The following HPSE2 variants were observed in gnomAD, a reference collection of about 807,000 sequenced individuals.
HPSE2 encodes the protein inactive heparanase-2.
In HPSE2, 38 loss-of-function variants were observed where a neutral mutation model predicts 60.5. The ratio of observed to expected loss-of-function variants is 0.63; its 90% CI spans 0.48 to 0.82. The LOEUF is 0.82. HPSE2 is among the 40% of genes least tolerant of loss of function. The probability of loss-of-function intolerance (pLI) is 0.00; values close to 1 mark genes in which losing one functional copy is unlikely to be tolerated. For missense variants in HPSE2, 713 were observed against 740.4 expected (o/e 0.96, Z 0.43); for synonymous variants, 295 against 293.2 (o/e 1.01, Z -0.06).
intron 7 of HPSE2, among the ~76,000 whole-genome samples, chr10:98,630,105 C>T (rs1946320546): frequency 6.6e-6 from 1 of 152,080 alleles, no homozygotes; most frequent in South Asian, 2.1e-4. Flanking sequence ...CCTCTTCCCC[C>T]ATTGCTCCCC....
the HPSE2 span, among the ~76,000 whole-genome samples, chr10:99,252,566 T>C: frequency 6.6e-6 from 1 of 151,960 alleles, no homozygotes; most frequent in African/African-American, 2.4e-5. Flanking sequence ...CACAATCCCT[T>C]TACAATAGCC....
chr10:98,509,160 A>G (rs1262795361), intron 9 of HPSE2, among the ~76,000 whole-genome samples: 1 of 152,050 alleles, frequency 6.6e-6, no homozygotes, highest in Admixed American at 6.6e-5. Context: ...CTAAAAATAC[A>G]AAAATTAGCT....
intron 3 of HPSE2, among the ~76,000 whole-genome samples, chr10:99,063,389 C>T (rs993315155): frequency 1.3e-5 from 2 of 151,298 alleles, no homozygotes; most frequent in Admixed American, 1.3e-4. Context: ...ATGCCAGAGG[C>T]TCCATCTCAT....
intron 6 of HPSE2, among the ~76,000 whole-genome samples, chr10:98,645,918 T>A (rs983919161): frequency 6.6e-6 from 1 of 152,110 alleles, no homozygotes; most frequent in Admixed American, 6.5e-5. Context: ...GAGCTTGCAG[T>A]GAGCCGAGAT....
intron 9 of HPSE2, among the ~76,000 whole-genome samples, chr10:98,543,123 G>T (rs866557708): frequency 3.3e-4 from 51 of 152,282 alleles, no homozygotes; most frequent in South Asian, 1.2e-3. Flanking sequence ...GACTAACAGT[G>T]GATCTCTTGG....
chr10:99,163,624 G>A (rs1846937046), intron 2 of HPSE2, among the ~76,000 whole-genome samples: 1 of 152,152 alleles, frequency 6.6e-6, no homozygotes, highest in African/African-American at 2.4e-5. Context: ...TTAATTAGGT[G>A]CATACTTTAT....
chr10:98,591,126 C>CAA (rs5787292), intron 9 of HPSE2, among the ~76,000 whole-genome samples: 85 of 151,016 alleles, frequency 5.6e-4, no homozygotes, highest in Middle Eastern at 3.4e-3. Flanking sequence ...AAATAGGGAT[C>CAA]AAAAAAAAAG....
intron 3 of HPSE2, among the ~76,000 whole-genome samples, chr10:98,957,811 A>G (rs758438778): frequency 6.6e-6 from 1 of 152,194 alleles, no homozygotes; most frequent in Non-Finnish European, 1.5e-5. Context: ...AATTCCCTCA[A>G]AATAAACACA....
At chr10:98,465,074 G>T (rs904001450) in intron 11 of HPSE2, among the ~76,000 whole-genome samples, 3 of 152,194 alleles carry the variant, frequency 2.0e-5, no homozygotes, top group African/African-American at 7.2e-5. Flanking sequence ...GATGGGCCAT[G>T]TGCTTTATCA....
At chr10:98,728,399 C>T (rs1365270491) in intron 4 of HPSE2, among the ~76,000 whole-genome samples, 1 of 152,072 alleles carries the variant, frequency 6.6e-6, no homozygotes, top group East Asian at 1.9e-4. Context: ...GGGTGGATCA[C>T]CTGAGGTCAG....
chr10:98,954,765 G>A (rs368356138), intron 3 of HPSE2, among the ~76,000 whole-genome samples: 15 of 151,962 alleles, frequency 9.9e-5, no homozygotes, highest in African/African-American at 3.4e-4. Flanking sequence ...CATAAGGTCA[G>A]TACAATATAA....
At chr10:99,045,137 C>A (rs528816949) in intron 3 of HPSE2, among the ~76,000 whole-genome samples, 39 of 151,936 alleles carry the variant, frequency 2.6e-4, no homozygotes, top group Non-Finnish European at 4.4e-4. Flanking sequence ...TCAATAAAAT[C>A]AAAAAAATTG....
intron 3 of HPSE2, among the ~76,000 whole-genome samples, chr10:98,967,532 C>T (rs989378222): frequency 3.9e-5 from 6 of 151,916 alleles, no homozygotes; most frequent in African/African-American, 1.5e-4. Flanking sequence ...TTTGGTTTCT[C>T]GATTGGAAAA....
intron 3 of HPSE2, among the ~76,000 whole-genome samples, chr10:99,132,248 A>AAAG (rs1845468616): frequency 6.9e-6 from 1 of 144,356 alleles, no homozygotes; most frequent in African/African-American, 2.6e-5. Flanking sequence ...AGAGAGAAAG[A>AAAG]AAGAAAGAAA....
At chr10:98,922,005 T>C (rs1334802180) in intron 3 of HPSE2, among the ~76,000 whole-genome samples, 1 of 152,136 alleles carries the variant, frequency 6.6e-6, no homozygotes, top group Non-Finnish European at 1.5e-5. Flanking sequence ...ACAATGTAAG[T>C]CACAAATGCA....
intron 5 of HPSE2, among the ~76,000 whole-genome samples, chr10:98,697,955 A>C (rs1948276363): frequency 2.0e-5 from 3 of 150,310 alleles, no homozygotes; most frequent in African/African-American, 7.4e-5. Flanking sequence ...CTAAATATAT[A>C]TGCACCCAAT....
intron 3 of HPSE2, among the ~76,000 whole-genome samples, chr10:98,933,103 T>C (rs1954687468): frequency 6.9e-6 from 1 of 144,154 alleles, no homozygotes; most frequent in African/African-American, 2.8e-5. Context: ...GAGTATTTAG[T>C]ACTATAGATT....
intron 5 of HPSE2, among the ~76,000 whole-genome samples, chr10:98,699,467 A>C (rs1414220387): frequency 5.4e-5 from 5 of 91,848 alleles, no homozygotes; most frequent in African/African-American, 1.5e-4. Context: ...ACTCTCAATA[A>C]ATTAGGTATT....
chr10:98,517,656 C>T (rs1942646815), intron 9 of HPSE2, among the ~76,000 whole-genome samples: 1 of 152,172 alleles, frequency 6.6e-6, no homozygotes, highest in African/African-American at 2.4e-5. Context: ...GAATCTTAGT[C>T]TTTGGAATGG....
Sources: allele counts gnomAD v4.1 joint callset (sites outside exome capture counted in the v4.1 genomes callset), GRCh38; gene constraint gnomAD v4.1.1; transcripts MANE v1.5; gene names NCBI Gene and HGNC (gene_info 2026-07-23, HGNC 2026-07-21).